Variants in NDST4 observed in about 807,000 individuals in gnomAD.
NDST4 encodes N-deacetylase and N-sulfotransferase 4.
In NDST4, 63 loss-of-function variants were observed where a neutral mutation model predicts 100.8. The ratio of observed to expected loss-of-function variants is 0.62; its 90% CI spans 0.51 to 0.77. NDST4 has a LOEUF of 0.77. NDST4 is among the 30% of genes least tolerant of loss of function. The pLI is 0.00. For synonymous variants in NDST4, 377 were observed against 361.8 expected, an observed-to-expected ratio of 1.04 and a Z score of -0.48; for missense variants, 943 against 1,018.4, an observed-to-expected ratio of 0.93 and a Z score of 1.01.
intron 2 of NDST4, among the ~76,000 whole-genome samples, chr4:115,043,671 T>C (rs1405982548): frequency 2.6e-5 from 4 of 152,126 alleles, no homozygotes; most frequent in African/African-American, 4.8e-5. Context: ...GAAAAGCTAC[T>C]AATTATCTCC....
chr4:114,975,010 C>A lies in NDST4; in HGVS notation c.1066+2177G>T, dbSNP rs533896961. Reference sequence around the variant, plus strand: ...ATCTCCTCATGGTTACACATCACAGCCAAGTGCACATGTAAGGAATGCACC... The same window carrying A: ...ATCTCCTCATGGTTACACATCACAGACAAGTGCACATGTAAGGAATGCACC... On this transcript the variant is annotated intron_variant, in intron 3 of 13. Coordinates refer to ENST00000264363, the MANE Select transcript of NDST4 (RefSeq NM_022569.3). Among the ~76,000 whole-genome samples, 9 of 152,164 alleles carry A rather than the reference C, an allele frequency of 5.9e-5. No individual in the cohort carries two copies. The South Asian group carries it at 1.7e-3, about 28-fold the overall frequency.
chr4:114,866,416 A>T (rs1472532470), intron 7 of NDST4, among the ~76,000 whole-genome samples: 1 of 152,182 alleles, frequency 6.6e-6, no homozygotes, highest in African/African-American at 2.4e-5. Context: ...ATCAAATTCA[A>T]ATTACAGTGG....
intron 2 of NDST4, among the ~76,000 whole-genome samples, chr4:115,031,699 G>C (rs1267878942): frequency 6.6e-6 from 1 of 152,090 alleles, no homozygotes; most frequent in Non-Finnish European, 1.5e-5. Flanking sequence ...AGAAGAGAGT[G>C]AAAAGTTGTC....
At chr4:115,035,118 T>C (rs1459195139) in intron 2 of NDST4, among the ~76,000 whole-genome samples, 3 of 152,140 alleles carry the variant, frequency 2.0e-5, no homozygotes, top group Non-Finnish European at 4.4e-5. Flanking sequence ...ATAGTAAAAC[T>C]ATAACTCATC....
chr4:115,045,757 G>A (rs905521886), intron 2 of NDST4, among the ~76,000 whole-genome samples: 1 of 151,946 alleles, frequency 6.6e-6, no homozygotes, highest in African/African-American at 2.4e-5. Context: ...TTTTTAGTTC[G>A]AGGTGGGAAT....
intron 4 of NDST4, among the ~76,000 whole-genome samples, chr4:114,952,084 G>C (rs1726001714): frequency 1.3e-5 from 2 of 152,026 alleles, no homozygotes; most frequent in Admixed American, 1.3e-4. Context: ...GTTAATCTCA[G>C]AAAATCATTT....
rs1241708966 is a variant in NDST4, at chr4:115,009,090, G to A, written c.979-31816C>T. ...CTCATGGGTAGGAAGAATCAATATC[G>A]TGAAAATGGCCATACTGCCCAAGGT... On this transcript the variant is annotated intron_variant, in intron 2 of 13. Coordinates refer to ENST00000264363, the MANE Select transcript of NDST4 (RefSeq NM_022569.3). Among the ~76,000 whole-genome samples, 11 of 125,486 alleles carry A rather than the reference G, an allele frequency of 8.8e-5. 4 individuals carry two copies. Among genetic ancestry groups the A allele is most frequent in the African/African-American group, 2.1e-4 (7 of 32,942 alleles). The allele number at this position is 125,486 out of a possible 152,430, so 82.3% of individuals were successfully genotyped here. A position where few individuals can be genotyped will look rare whatever the true frequency, so the allele number is the denominator to read the frequency against.
At chr4:115,005,088 A>G (rs1727384100) in intron 2 of NDST4, among the ~76,000 whole-genome samples, 3 of 152,190 alleles carry the variant, frequency 2.0e-5, no homozygotes, top group Admixed American at 6.6e-5. Context: ...TGGGATACCT[A>G]TTATGTGATT....
chr4:115,042,742 AG>A (rs1292181034), intron 2 of NDST4, among the ~76,000 whole-genome samples: 4 of 152,098 alleles, frequency 2.6e-5, no homozygotes, highest in Non-Finnish European at 5.9e-5. Flanking sequence ...ATTATATACT[AG>A]GCATCTTAAC....
intron 4 of NDST4, among the ~76,000 whole-genome samples, chr4:114,939,710 AT>A (rs1327052685): frequency 6.6e-6 from 1 of 151,724 alleles, no homozygotes; most frequent in Admixed American, 6.6e-5. Flanking sequence ...AAAGCAATTG[AT>A]TCGGTGAGTA....
chr4:115,037,141 CTTTG>C (rs1236917836), intron 2 of NDST4, among the ~76,000 whole-genome samples: 1 of 151,814 alleles, frequency 6.6e-6, no homozygotes, highest in Non-Finnish European at 1.5e-5. Context: ...ACCATTTCTC[CTTTG>C]TAAGGATAGT....
chr4:114,827,800 G>A lies in NDST4; in HGVS notation c.*16C>T, dbSNP rs1196116901. On this transcript the variant is annotated 3_prime_UTR_variant, in exon 14 of 14. Coordinates refer to ENST00000264363, the MANE Select transcript of NDST4 (RefSeq NM_022569.3). ...CACTAAAAGTATCTTGAGAGGCTTA[G>A]TTCTTGTCTCCAGTGCTATCTCACT... The A allele has an allele frequency of 6.2e-7, 1 of 1,606,094 alleles. No homozygotes were observed.
intron 6 of NDST4, among the ~76,000 whole-genome samples, chr4:114,888,138 G>A (rs1724517794): frequency 6.6e-6 from 1 of 151,974 alleles, no homozygotes; most frequent in Admixed American, 6.6e-5. Context: ...TAGGGGCAGA[G>A]GTTGCAATGA....
chr4:115,032,439 T>A (rs1469629754), intron 2 of NDST4, among the ~76,000 whole-genome samples: 3 of 152,120 alleles, frequency 2.0e-5, no homozygotes, highest in African/African-American at 7.2e-5. Flanking sequence ...AAGAGGTTAC[T>A]CTATGTAACT....
chr4:114,881,520 C>A (rs934218691), intron 6 of NDST4, among the ~76,000 whole-genome samples: 1 of 151,958 alleles, frequency 6.6e-6, no homozygotes, highest in Admixed American at 6.6e-5. Flanking sequence ...AACCACACAG[C>A]GAGCTAACAA....
At chr4:114,931,749 C>G (rs913411122) in intron 6 of NDST4, among the ~76,000 whole-genome samples, 1 of 151,652 alleles carries the variant, frequency 6.6e-6, no homozygotes, top group African/African-American at 2.4e-5. Flanking sequence ...CTAGAAGAAA[C>G]AGATAAATTC....
At position 114,845,875 on chromosome 4, in the gene NDST4, T is replaced by C. The variant is rs1048424400; in HGVS notation, c.2063A>G (p.Lys688Arg). The C allele has an allele frequency of 1.2e-6, 2 of 1,614,062 alleles. No individual in the cohort carries two copies. Among genetic ancestry groups the C allele is most frequent in the African/African-American group, 2.7e-5 (2 of 74,926 alleles). The stretch of plus-strand genomic sequence containing the variant: ...GGGGTCAATGAGGATGGTGATGATC[T>C]TGGCTTTGGGGACAAGAGATGCGGC... Reference protein sequence around the residue: ...RRAASLVPKAKIITILIDPSD... With the variant: ...RRAASLVPKARIITILIDPSD... Residue 688 changes from lysine (K) to arginine (R), a missense_variant, in exon 10 of 14, where the codon AAG becomes AGG. Physicochemically the swap from Lys to Arg is conservative, Grantham distance 26. Around this residue, in one of 2 missense-constraint regions of NDST4, gnomAD observed 526 missense variants for 634.1 expected, o/e 0.83. Coordinates refer to ENST00000264363, the MANE Select transcript of NDST4 (RefSeq NM_022569.3).
intron 12 of NDST4, 145 bp from the exon 13 acceptor site, chr4:114,830,037 G>A (rs1723162124): frequency 3.1e-6 from 2 of 638,374 alleles, no homozygotes; most frequent in Admixed American, 6.7e-5. Flanking sequence ...TAGCTGATTT[G>A]AGAGAGGCTA....
At chr4:114,838,164 A>T (rs1345608422) in intron 11 of NDST4, among the ~76,000 whole-genome samples, 1 of 152,194 alleles carries the variant, frequency 6.6e-6, no homozygotes, top group Non-Finnish European at 1.5e-5. Context: ...GAAAGTCAGG[A>T]AACAACAGAC....
Sources: gnomAD v4.1 joint callset for allele counts (sites outside exome capture counted in the v4.1 genomes callset) on GRCh38, gnomAD v4.1.1 for gene constraint, gnomAD v4.1.1 regional missense constraint, MANE v1.5 for transcripts, NCBI Gene and HGNC (gene_info 2026-07-23, HGNC 2026-07-21) for gene names.